ASCC3: variants seen among roughly 807,000 people sequenced by gnomAD.
ASCC3 encodes the protein activating signal cointegrator 1 complex subunit 3.
A neutral mutation model predicts 256.3 loss-of-function variants in ASCC3; 158 were observed. The ratio of observed to expected loss-of-function variants is 0.62; its 90% CI spans 0.54 to 0.70. ASCC3 has a LOEUF of 0.70. Ranked by LOEUF, ASCC3 falls within the 30% of genes least tolerant of loss-of-function variation. The pLI, the probability that ASCC3 is intolerant of heterozygous loss-of-function variation, is 0.00. For synonymous variants in ASCC3, 948 were observed against 883.4 expected (o/e 1.07, Z -1.30); for missense variants, 2,259 against 2,626.0 (o/e 0.86, Z 3.05).
chr6:100,569,418 G>A (rs1770465284), intron 36 of ASCC3, among the ~76,000 whole-genome samples: 1 of 151,806 alleles, frequency 6.6e-6, no homozygotes. Context: ...GTCTTGCTCT[G>A]TCGCCCAGGC....
intron 11 of ASCC3, among the ~76,000 whole-genome samples, 162 bp from the exon 12 acceptor site, chr6:100,718,413 C>T (rs1427164305): frequency 1.3e-5 from 2 of 152,120 alleles, no homozygotes; most frequent in South Asian, 2.1e-4. Context: ...CCATAATTCA[C>T]AAGCTTGATT....
intron 8 of ASCC3, among the ~76,000 whole-genome samples, chr6:100,782,671 C>A (rs1239358238): frequency 3.3e-5 from 5 of 152,044 alleles, no homozygotes; most frequent in African/African-American, 1.2e-4. Flanking sequence ...TAGTGTACCA[C>A]TGGAATAAAT....
chr6:100,675,335 G>A (rs1473796858), intron 14 of ASCC3, among the ~76,000 whole-genome samples: 1 of 151,984 alleles, frequency 6.6e-6, no homozygotes, highest in Admixed American at 6.6e-5. Flanking sequence ...AAGAGAAAGA[G>A]GGCTATTAAC....
intron 36 of ASCC3, among the ~76,000 whole-genome samples, chr6:100,563,272 C>A (rs1378729365): frequency 6.6e-6 from 1 of 152,008 alleles, no homozygotes; most frequent in Non-Finnish European, 1.5e-5. Flanking sequence ...GTGCTTCTTC[C>A]CATCTTCCCG....
rs1418364006 is a variant in ASCC3 at position 100,642,766 on chromosome 6, T to C, written c.3733-17A>G. 2 of 1,597,818 alleles carry C rather than the reference T, an allele frequency of 1.3e-6. No individual in the cohort carries two copies. The highest frequency in any genetic ancestry group is 8.6e-7 in the Non-Finnish European group (1 of 1,165,594). Reference sequence around the variant, plus strand: ...ACTAATGACCTAATATGAAATACAGTCAAAAATAAATATGGATATTCTAAT... The same window carrying C: ...ACTAATGACCTAATATGAAATACAGCCAAAAATAAATATGGATATTCTAAT... On this transcript the variant is annotated splice_polypyrimidine_tract_variant and intron_variant, in intron 23 of 41. Transcript: ENST00000369162.
intron 1 of ASCC3, among the ~76,000 whole-genome samples, chr6:100,869,736 G>GT (rs1184342249): frequency 6.6e-6 from 1 of 152,044 alleles, no homozygotes; most frequent in Non-Finnish European, 1.5e-5. Flanking sequence ...AGGATGAACT[G>GT]CAAAATAACA....
In ASCC3 at chr6:100,561,970, C is replaced by G. The variant is rs528288019; in HGVS notation, c.5551-21583G>C. 2.0e-5 allele frequency among the ~76,000 whole-genome samples: 3 copies of G among 152,106 alleles called. No individual in the cohort carries two copies. The South Asian group carries it at 6.2e-4, about 32-fold the overall frequency. On this transcript the variant is annotated intron_variant, in intron 36 of 41. Transcript: ENST00000369162. ...TTTTTCTGAGTTACACACAAAACAACGAATAGAACATAAGAAAGCATAACA... is the reference window on the plus strand; with the variant it reads ...TTTTTCTGAGTTACACACAAAACAAGGAATAGAACATAAGAAAGCATAACA...
In ASCC3 at chr6:100,607,203, T is replaced by A. The variant is rs1582545897; in HGVS notation, c.4786-115A>T. 4 of 1,042,398 alleles carry A rather than the reference T, an allele frequency of 3.8e-6. No homozygotes were observed. The East Asian group carries it at 1.0e-4, about 27-fold the overall frequency. The allele number at this position is 1,042,398 out of a possible 1,614,324, so 64.6% of individuals were successfully genotyped here. ...TTTATGTTATTATATGGACATAAAA[T>A]ATAAGTCCTATATACAGTTATGATT... On this transcript the variant is annotated intron_variant, in intron 30 of 41. Coordinates refer to ENST00000369162, the MANE Select transcript of ASCC3 (RefSeq NM_006828.4).
In ASCC3 at chr6:100,646,758, G is replaced by A. The variant is rs1179071289; in HGVS notation, c.3490C>T (p.His1164Tyr). Residue 1164 changes from histidine to tyrosine, a missense_variant, in exon 22 of 42, where the codon CAT becomes TAT. His to Tyr is a moderately conservative substitution (Grantham distance 83, BLOSUM62 2). Around this residue, in one of 2 missense-constraint regions of ASCC3, gnomAD observed 1,839 missense variants for 2,206.7 expected, o/e 0.83. Coordinates refer to ENST00000369162, the MANE Select transcript of ASCC3 (RefSeq NM_006828.4). Reference sequence around the variant, plus strand: ...ACCTTCAGTCCAATATTCACATGATGTAAAATGTGACCTGCAAGAAAAATA... The same window carrying A: ...ACCTTCAGTCCAATATTCACATGATATAAAATGTGACCTGCAAGAAAAATA... ...MRKDEIGHIL[H>Y]HVNIGLKVKQ... is the part of the protein sequence containing the mutation. 1 of 1,613,792 alleles carries A rather than the reference G, an allele frequency of 6.2e-7. No individual in the cohort carries two copies.
At chr6:100,678,082 G>A (rs1777118243) in intron 14 of ASCC3, among the ~76,000 whole-genome samples, 1 of 152,046 alleles carries the variant, frequency 6.6e-6, no homozygotes, top group Non-Finnish European at 1.5e-5. Context: ...GATTGAATGA[G>A]TTACATAAAG....
At chr6:100,641,069 C>G (rs566557733) in intron 24 of ASCC3, among the ~76,000 whole-genome samples, 1 of 152,148 alleles carries the variant, frequency 6.6e-6, no homozygotes, top group African/African-American at 2.4e-5. Context: ...ACTTATTATA[C>G]TAGTTAATTA....
intron 36 of ASCC3, among the ~76,000 whole-genome samples, chr6:100,568,773 TATTA>T (rs1770414177): frequency 1.4e-5 from 2 of 140,550 alleles, no homozygotes; most frequent in African/African-American, 5.9e-5. Context: ...TTATTATTAT[TATTA>T]TTATTATTAT....
Position 100,589,933 on chromosome 6 carries a change from A to T in ASCC3, c.5415+15T>A, listed in dbSNP as rs1014325930. The stretch of plus-strand genomic sequence containing the variant: ...GGCAATCTTTTCAATTAGAATGCAT[A>T]TGACTAAGTCATACCTCTCCAATTT... On this transcript the variant is annotated intron_variant, in intron 35 of 41. Coordinates refer to ENST00000369162, the MANE Select transcript of ASCC3 (RefSeq NM_006828.4). 4.4e-6 allele frequency: 7 copies of T among 1,602,970 alleles called. No homozygotes were observed. The highest frequency in any genetic ancestry group is 6.0e-6 in the Non-Finnish European group (7 of 1,170,128).
intron 10 of ASCC3, among the ~76,000 whole-genome samples, chr6:100,764,408 TC>T (rs1781553850): frequency 6.6e-6 from 1 of 152,184 alleles, no homozygotes; most frequent in African/African-American, 2.4e-5. Context: ...AAAGCAATGT[TC>T]ATTTAAGAAA....
At chr6:100,672,336 TATA>T (rs1426131598) in intron 14 of ASCC3, among the ~76,000 whole-genome samples, 1 of 152,088 alleles carries the variant, frequency 6.6e-6, no homozygotes, top group Non-Finnish European at 1.5e-5. Flanking sequence ...TTAGTCTACA[TATA>T]ATATCTGGTC....
At chr6:100,572,637 A>G (rs1562128216) in intron 36 of ASCC3, among the ~76,000 whole-genome samples, 1 of 152,204 alleles carries the variant, frequency 6.6e-6, no homozygotes. Context: ...GATTCAATAA[A>G]GCAAGGAGAT....
intron 4 of ASCC3, among the ~76,000 whole-genome samples, chr6:100,831,524 T>C (rs967760749): frequency 6.6e-6 from 1 of 152,034 alleles, no homozygotes; most frequent in South Asian, 2.1e-4. Flanking sequence ...AATTGATCCA[T>C]GCAAATGGGA....
intron 13 of ASCC3, among the ~76,000 whole-genome samples, chr6:100,699,256 G>A (rs1027097526): frequency 2.0e-5 from 3 of 152,146 alleles, no homozygotes; most frequent in Non-Finnish European, 4.4e-5. Flanking sequence ...ATTGAATCAT[G>A]GGGGTGGGTC....
chr6:100,541,293 TAA>T (rs554667429), intron 36 of ASCC3, among the ~76,000 whole-genome samples: 6 of 134,688 alleles, frequency 4.5e-5, no homozygotes, highest in Non-Finnish European at 8.1e-5. Flanking sequence ...TCCAAAAAAT[TAA>T]AAAAAAAAAA....
Sources: gnomAD v4.1 joint callset for allele counts (sites outside exome capture counted in the v4.1 genomes callset) on GRCh38, gnomAD v4.1.1 for gene constraint, gnomAD v4.1.1 regional missense constraint, MANE v1.5 for transcripts, NCBI Gene and HGNC (gene_info 2026-07-23, HGNC 2026-07-21) for gene names.